The following CDKAL1 variants were observed in gnomAD, a reference collection of about 807,000 sequenced individuals.
The protein encoded by CDKAL1 is CDKAL1 threonylcarbamoyladenosine tRNA methylthiotransferase, also known as threonylcarbamoyladenosine tRNA methylthiotransferase.
CDKAL1 carries 32 observed loss-of-function variants against 68.2 expected under a neutral mutation model. That is an observed-to-expected ratio of 0.47 (90% CI 0.35 to 0.63). The LOEUF is 0.63. Among genes scored for constraint, CDKAL1 ranks in the 30% least tolerant of loss-of-function variants. The probability of loss-of-function intolerance (pLI) is 0.00; values close to 1 mark genes in which losing one functional copy is unlikely to be tolerated. For synonymous variants in CDKAL1, 234 were observed against 244.3 expected, an observed-to-expected ratio of 0.96 and a Z score of 0.39; for missense variants, 606 against 696.7, an observed-to-expected ratio of 0.87 and a Z score of 1.47.
intron 4 of CDKAL1, among the ~76,000 whole-genome samples, chr6:20,644,114 C>G (rs1180612285): frequency 6.6e-6 from 1 of 150,420 alleles, no homozygotes; most frequent in South Asian, 2.1e-4. Flanking sequence ...ATTACAGGCA[C>G]AAGCCACCGT....
At chr6:20,816,505 A>G (rs959874250) in intron 8 of CDKAL1, among the ~76,000 whole-genome samples, 3 of 152,210 alleles carry the variant, frequency 2.0e-5, no homozygotes, top group Non-Finnish European at 4.4e-5. Context: ...ATAGAAAAGC[A>G]AATCAGAGGT....
intron 12 of CDKAL1, among the ~76,000 whole-genome samples, chr6:21,077,909 C>T (rs1772163445): frequency 6.6e-6 from 1 of 152,110 alleles, no homozygotes; most frequent in Non-Finnish European, 1.5e-5. Flanking sequence ...CAAGGATCCT[C>T]ATAAAGGGGA....
At chr6:21,111,362 G>C (rs1022390277) in intron 13 of CDKAL1, among the ~76,000 whole-genome samples, 17 of 152,170 alleles carry the variant, frequency 1.1e-4, no homozygotes, top group Non-Finnish European at 2.1e-4. Flanking sequence ...CCAAATTATA[G>C]TGGGTCACTT....
chr6:20,618,158 T>C lies in CDKAL1; in HGVS notation c.287-31135T>C, dbSNP rs1483767585. On this transcript the variant is annotated intron_variant, in intron 4 of 15. Coordinates refer to ENST00000274695, the MANE Select transcript of CDKAL1 (RefSeq NM_017774.3). ...CTTGTGGTTTTGATTTGCATTTCTC[T>C]GATGGCCAGTGATGATGAGCATTTT... is the stretch of plus-strand genomic sequence containing the variant. Among the ~76,000 whole-genome samples, 3 of 152,242 alleles carry C rather than the reference T, an allele frequency of 2.0e-5. No individual in the cohort carries two copies. The East Asian group carries it at 5.8e-4, about 29-fold the overall frequency.
chr6:21,084,246 A>C (rs912620357), intron 12 of CDKAL1, among the ~76,000 whole-genome samples: 43 of 152,266 alleles, frequency 2.8e-4, no homozygotes, highest in African/African-American at 9.4e-4. Context: ...GGTTATTTCT[A>C]ATAGTTTTAA....
At chr6:20,859,280 A>G (rs1759491196) in intron 9 of CDKAL1, among the ~76,000 whole-genome samples, 1 of 151,948 alleles carries the variant, frequency 6.6e-6, no homozygotes, top group Non-Finnish European at 1.5e-5. Context: ...CCTGACTCAG[A>G]AAAAATAAAA....
intron 8 of CDKAL1, 69 bp from the exon 9 acceptor site, chr6:20,846,006 G>A: frequency 1.1e-6 from 1 of 918,574 alleles, no homozygotes; most frequent in South Asian, 1.6e-5. Flanking sequence ...TATGTTTTGA[G>A]GTATCCCCAT....
At chr6:21,030,103 A>G (rs1769191570) in intron 11 of CDKAL1, among the ~76,000 whole-genome samples, 1 of 152,204 alleles carries the variant, frequency 6.6e-6, no homozygotes, top group Admixed American at 6.5e-5. Flanking sequence ...AGACTGGACA[A>G]ATAAAGAAAT....
intron 5 of CDKAL1, among the ~76,000 whole-genome samples, chr6:20,677,774 T>A (rs1186812976): frequency 1.3e-5 from 2 of 152,220 alleles, no homozygotes; most frequent in Non-Finnish European, 2.9e-5. Flanking sequence ...GTTTTAGTAA[T>A]ATGAATTTTT....
chr6:20,813,511 A>C (rs1251646170), intron 8 of CDKAL1, among the ~76,000 whole-genome samples: 1 of 152,184 alleles, frequency 6.6e-6, no homozygotes, highest in Non-Finnish European at 1.5e-5. Context: ...TTTGTGTTTC[A>C]CATCCAACCT....
chr6:20,551,988 C>T (rs533590594), intron 4 of CDKAL1, among the ~76,000 whole-genome samples: 21 of 150,376 alleles, frequency 1.4e-4, no homozygotes, highest in Admixed American at 1.3e-3. Context: ...CTCAGCCTCC[C>T]AAGTAGCTGG....
chr6:21,093,870 C>T (rs1383446719), intron 12 of CDKAL1, among the ~76,000 whole-genome samples: 4 of 147,852 alleles, frequency 2.7e-5, no homozygotes, highest in African/African-American at 5.0e-5. Flanking sequence ...CTGGGTGTGA[C>T]GGTAGGTGCA....
At chr6:20,844,909 T>G (rs1420564645) in intron 8 of CDKAL1, among the ~76,000 whole-genome samples, 1 of 152,170 alleles carries the variant, frequency 6.6e-6, no homozygotes, top group Non-Finnish European at 1.5e-5. Flanking sequence ...AGCCACAATT[T>G]GTGTTTATTT....
chr6:20,831,651 A>G (rs148446110), intron 8 of CDKAL1, among the ~76,000 whole-genome samples: 1,834 of 152,144 alleles, frequency 0.012, 40 homozygotes, highest in African/African-American at 0.041. Flanking sequence ...CCTCAGTCCA[A>G]CCACTGAGCT....
intron 5 of CDKAL1, among the ~76,000 whole-genome samples, chr6:20,656,249 C>T (rs1769019844): frequency 6.6e-6 from 1 of 152,236 alleles, no homozygotes; most frequent in Admixed American, 6.5e-5. Flanking sequence ...AAGAGGTCAA[C>T]ACTAGAAACA....
intron 9 of CDKAL1, among the ~76,000 whole-genome samples, chr6:20,894,928 T>C (rs1485115802): frequency 1.3e-5 from 2 of 151,770 alleles, no homozygotes; most frequent in Non-Finnish European, 1.5e-5. Flanking sequence ...CATGTGCTCT[T>C]CAGATTCTTT....
At chr6:20,632,296 G>C (rs189227845) in intron 4 of CDKAL1, among the ~76,000 whole-genome samples, 93 of 152,318 alleles carry the variant, frequency 6.1e-4, no homozygotes, top group Non-Finnish European at 1.0e-3. Context: ...GGGAGCAGTG[G>C]TTCATTGCCC....
At chr6:20,661,473 T>C (rs1769281040) in intron 5 of CDKAL1, among the ~76,000 whole-genome samples, 1 of 152,208 alleles carries the variant, frequency 6.6e-6, no homozygotes, top group African/African-American at 2.4e-5. Flanking sequence ...GTCTTCTAAC[T>C]CTGGAAAAAC....
Position 20,677,297 on chromosome 6 carries a change from C to T in CDKAL1, c.371+27920C>T, listed in dbSNP as rs188914718. Among the ~76,000 whole-genome samples, 231 of 152,152 alleles carry T rather than the reference C, an allele frequency of 1.5e-3. 1 individual carries two copies. The highest frequency in any genetic ancestry group is 5.2e-3 in the African/African-American group (217 of 41,528). On this transcript the variant is annotated intron_variant, in intron 5 of 15. Coordinates refer to ENST00000274695, the MANE Select transcript of CDKAL1 (RefSeq NM_017774.3). ...GTTGTCCCGGCTGGTCTTGAACTCC[C>T]GGCCTCAGGTGATCCACCTGCCTCA...
Sources: gnomAD v4.1 joint callset for allele counts (sites outside exome capture counted in the v4.1 genomes callset) on GRCh38, gnomAD v4.1.1 for gene constraint, MANE v1.5 for transcripts, NCBI Gene and HGNC (gene_info 2026-07-23, HGNC 2026-07-21) for gene names.